ZNF548: variants seen among roughly 807,000 people sequenced by gnomAD.
The protein encoded by ZNF548 is zinc finger protein 548.
ZNF548 carries 10 observed loss-of-function variants against 10.2 expected under a neutral mutation model. The observed-to-expected ratio is 0.98, with a 90% CI of 0.60 to 1.66. ZNF548 has a LOEUF of 1.66. ZNF548 is among the 40% of genes most tolerant of loss of function. The pLI, the probability that ZNF548 is intolerant of heterozygous loss-of-function variation, is 0.00. For synonymous variants in ZNF548, 217 were observed against 223.5 expected (o/e 0.97, Z 0.26); for missense variants, 599 against 657.0 (o/e 0.91, Z 0.97).
chr19:57,399,577 T>C lies in ZNF548; in HGVS notation c.1326T>C (p.Phe442=), dbSNP rs771801686. Residue 442 remains phenylalanine, a synonymous_variant, in exon 4 of 4, where the codon TTT becomes TTC. Transcript: ENST00000336128. This position sits in a 1 kb window ranked among gnomAD's most constrained non-coding sequence, Gnocchi z 4.0. ...PYECSECGKF[F]RYNSNLIKHW... is the part of the protein sequence containing the mutation. ...AGTGCAGCGAATGCGGGAAATTCTT[T>C]CGTTACAACTCCAACCTCATTAAAC... is the stretch of plus-strand genomic sequence containing the variant. 6.2e-7 allele frequency: 1 copy of C among 1,614,192 alleles called. No individual in the cohort carries two copies.
rs1337384737 is a variant in ZNF548, at chr19:57,399,160, G to A, written c.909G>A (p.Arg303=). 1 of 1,613,698 alleles carries A rather than the reference G, an allele frequency of 6.2e-7. No individual in the cohort carries two copies. The highest frequency in any genetic ancestry group is 8.5e-7 in the Non-Finnish European group (1 of 1,179,950). Residue 303 remains arginine, a synonymous_variant, in exon 4 of 4, where the codon CGG becomes CGA. Coordinates refer to ENST00000336128, the MANE Select transcript of ZNF548 (RefSeq NM_001172773.2). This position sits in a 1 kb window ranked among gnomAD's most constrained non-coding sequence, Gnocchi z 4.0. ...GCAACACATGTGGGAAATTCTTTCG[G>A]TACAGCTCCACATTTGTTAGACATC... ...YECNTCGKFF[R]YSSTFVRHQR...
rs970860322 is a variant in ZNF548, at chr19:57,389,883, C to T, written c.-217C>T. The stretch of plus-strand genomic sequence containing the variant: ...CTTCCGCCGTCCTCCTGGTGGTGGT[C>T]GTTTTGGTTCTGTGTGGTGTTTCAC... On this transcript the variant is annotated 5_prime_UTR_variant, in exon 1 of 4. Transcript: ENST00000336128. 5 of 496,182 alleles carry T rather than the reference C, an allele frequency of 1.0e-5. No individual in the cohort carries two copies. The East Asian group carries it at 1.3e-4, about 13-fold the overall frequency. 30.7% of individuals were successfully genotyped at this position (496,182 alleles called of 1,614,324 possible).
In ZNF548 at chr19:57,398,759, G is replaced by A. The variant is rs779744413; in HGVS notation, c.508G>A (p.Gly170Ser). ...MAEEIFTCME[G>S]WKDLPATSCL... Reference sequence around the variant, plus strand: ...AGAGGAGATCTTCACATGCATGGAGGGCTGGAAGGACTTACCAGCCACCTC... The same window carrying A: ...AGAGGAGATCTTCACATGCATGGAGAGCTGGAAGGACTTACCAGCCACCTC... The change falls in exon 4 of 4, where the codon GGC becomes AGC. Residue 170 changes from glycine to serine, a missense_variant. Physicochemically the swap from Gly to Ser is moderately conservative, Grantham distance 56. Transcript: ENST00000336128. The A allele has an allele frequency of 8.1e-6, 13 of 1,613,852 alleles. No individual in the cohort carries two copies. The highest frequency in any genetic ancestry group is 1.0e-5 in the Non-Finnish European group (12 of 1,179,916).
Position 57,398,562 on chromosome 19 carries a change from C to T in ZNF548, c.311C>T (p.Pro104Leu). 1 of 1,614,054 alleles carries T rather than the reference C, an allele frequency of 6.2e-7. No homozygotes were observed. Among genetic ancestry groups the T allele is most frequent in the South Asian group, 1.1e-5 (1 of 91,080 alleles). Residue 104 changes from proline (P) to leucine (L), a missense_variant, in exon 4 of 4, where the codon CCC (proline) becomes CTC (leucine). Coordinates refer to ENST00000336128, the MANE Select transcript of ZNF548 (RefSeq NM_001172773.2). ...KVHPSETCGP[P>L]LKDILCLVEH... The stretch of plus-strand genomic sequence containing the variant: ...CACCCTAGTGAGACATGTGGCCCAC[C>T]CTTGAAAGACATTCTGTGCCTGGTT...
At position 57,399,448 on chromosome 19, in the gene ZNF548, C is replaced by T. The variant is rs748870327; in HGVS notation, c.1197C>T (p.His399=). Residue 399 remains histidine, a synonymous_variant, in exon 4 of 4, where the codon CAC becomes CAT. Transcript: ENST00000336128. The surrounding 1 kb of genome is among the most constrained non-coding windows in gnomAD (Gnocchi z 4.0). ...NSSLVKHWRN[H]TGERPYKCSE... ...GCCTTGTTAAACATTGGAGAAATCACACTGGAGAAAGGCCTTATAAATGCA... is the reference window on the plus strand; with the variant it reads ...GCCTTGTTAAACATTGGAGAAATCATACTGGAGAAAGGCCTTATAAATGCA... 15 of 1,614,124 alleles carry T rather than the reference C, an allele frequency of 9.3e-6. 1 individual carries two copies. The South Asian group carries it at 1.6e-4, about 18-fold the overall frequency.
chr19:57,401,137 A>G lies in ZNF548; in HGVS notation c.*1248A>G, dbSNP rs1475491642. The G allele has an allele frequency of 1.3e-5, 2 of 152,084 alleles. No homozygotes were observed. Among genetic ancestry groups the G allele is most frequent in the Non-Finnish European group, 1.5e-5 (1 of 68,004 alleles). The allele number at this position is 152,084 out of a possible 1,614,324, so 9.4% of individuals were successfully genotyped here. A position where few individuals can be genotyped will look rare whatever the true frequency, so the allele number is the denominator to read the frequency against. On this transcript the variant is annotated 3_prime_UTR_variant, in exon 4 of 4. Transcript: ENST00000336128. ...ACCAAATATATGCTTTTTACATATT[A>G]CCTCCCAGTCCATAGGTTGCTTTTT...
chr19:57,394,366 C>A, intron 2 of ZNF548, 143 bp downstream of exon 2: 2 of 857,224 alleles, frequency 2.3e-6, no homozygotes, highest in South Asian at 1.7e-5. Flanking sequence ...TACAAGTTGG[C>A]TGCTGGGTTA....
At chr19:57,394,714 A>AAT (rs2123040610) in intron 2 of ZNF548, among the ~76,000 whole-genome samples, 1 of 152,206 alleles carries the variant, frequency 6.6e-6, no homozygotes, top group East Asian at 1.9e-4. Flanking sequence ...AGGTGAGGGT[A>AAT]ATGGAAGGGA....
rs574266164 is a variant in ZNF548, at chr19:57,400,428, A to T, written c.*539A>T. ...TGGTGCTGGATCATATAGGATTTCT[A>T]TTTTTTTTTTTTGTTTGTTTTTGAG... On this transcript the variant is annotated 3_prime_UTR_variant, in exon 4 of 4. Transcript: ENST00000336128. The T allele has an allele frequency of 8.4e-3, 1,233 of 145,972 alleles. 5 individuals carry two copies. The highest frequency in any genetic ancestry group is 0.013 in the Non-Finnish European group (876 of 66,076). 9.0% of individuals were successfully genotyped at this position (145,972 alleles called of 1,614,324 possible).
chr19:57,399,559 C>T lies in ZNF548; in HGVS notation c.1308C>T (p.Ser436=), dbSNP rs1010483790. Residue 436 remains serine, a synonymous_variant, in exon 4 of 4, where the codon AGC becomes AGT. Coordinates refer to ENST00000336128, the MANE Select transcript of ZNF548 (RefSeq NM_001172773.2). This position sits in a 1 kb window ranked among gnomAD's most constrained non-coding sequence, Gnocchi z 4.0. ...VHTGERPYEC[S]ECGKFFRYNS... ...CGGGAGAAAGGCCTTATGAGTGCAG[C>T]GAATGCGGGAAATTCTTTCGTTACA... 7 of 1,612,828 alleles carry T rather than the reference C, an allele frequency of 4.3e-6. No individual in the cohort carries two copies. The highest frequency in any genetic ancestry group is 2.2e-5 in the East Asian group (1 of 44,814).
rs2088712522 is a variant in ZNF548 at position 57,401,046 on chromosome 19, T to G, written c.*1157T>G. 1 of 152,222 alleles carries G rather than the reference T, an allele frequency of 6.6e-6. No homozygotes were observed. The highest frequency in any genetic ancestry group is 1.5e-5 in the Non-Finnish European group (1 of 68,042). 9.4% of individuals were successfully genotyped at this position (152,222 alleles called of 1,614,324 possible). On this transcript the variant is annotated 3_prime_UTR_variant, in exon 4 of 4. Transcript: ENST00000336128. ...TATTCAAGTCTTTTTTTTCCATTTT[T>G]AATGGGACTATTTGCTTTTTGTTGT...
chr19:57,396,346 A>G (rs2088664415), intron 2 of ZNF548, among the ~76,000 whole-genome samples: 1 of 152,116 alleles, frequency 6.6e-6, no homozygotes, highest in Admixed American at 6.6e-5. Context: ...TTCCTTTTCT[A>G]CCTTATCTTC....
intron 2 of ZNF548, 50 bp downstream of exon 2, chr19:57,394,273 G>A: frequency 6.4e-7 from 1 of 1,566,146 alleles, no homozygotes; most frequent in East Asian, 2.3e-5. Flanking sequence ...TCTCCCAGAT[G>A]GTTTTGGCAG....
intron 3 of ZNF548, 73 bp from the exon 4 acceptor site, chr19:57,398,357 C>T (rs2088682153): frequency 1.3e-6 from 2 of 1,571,304 alleles, no homozygotes; most frequent in African/African-American, 1.4e-5. Flanking sequence ...GTGTGCCTGA[C>T]ACACATTTGT....
chr19:57,391,789 G>GTT (rs71186258), intron 1 of ZNF548, among the ~76,000 whole-genome samples: 3,109 of 93,550 alleles, frequency 0.033, 194 homozygotes, highest in African/African-American at 0.053. Context: ...TGTGCTTACT[G>GTT]TTTTTTTTTT....
In ZNF548 at chr19:57,399,574, C is replaced by A. The variant is rs1293911348; in HGVS notation, c.1323C>A (p.Phe441Leu). The A allele has an allele frequency of 6.2e-7, 1 of 1,613,564 alleles. No homozygotes were observed. The highest frequency in any genetic ancestry group is 8.5e-7 in the Non-Finnish European group (1 of 1,179,904). ...ATGAGTGCAGCGAATGCGGGAAATT[C>A]TTTCGTTACAACTCCAACCTCATTA... ...RPYECSECGKFFRYNSNLIKH... is the reference protein window; with the variant it reads ...RPYECSECGKLFRYNSNLIKH... Residue 441 changes from phenylalanine (F) to leucine (L), a missense_variant, in exon 4 of 4, where the codon TTC (phenylalanine) becomes TTA (leucine). Coordinates refer to ENST00000336128, the MANE Select transcript of ZNF548 (RefSeq NM_001172773.2). The surrounding 1 kb of genome is among the most constrained non-coding windows in gnomAD (Gnocchi z 4.0).
rs1456434695 is a variant in ZNF548 at position 57,399,378 on chromosome 19, C to T, written c.1127C>T (p.Pro376Leu). The change falls in exon 4 of 4, where the codon CCT (proline) becomes CTT (leucine). Residue 376 changes from proline (P) to leucine (L), a missense_variant. Pro to Leu is a moderately conservative substitution (Grantham distance 98, BLOSUM62 -3). Coordinates refer to ENST00000336128, the MANE Select transcript of ZNF548 (RefSeq NM_001172773.2). This position sits in a 1 kb window ranked among gnomAD's most constrained non-coding sequence, Gnocchi z 4.0. The part of the protein sequence containing the change: ...RHQRIHTGER[P>L]YECSVCGELF... Reference sequence around the variant, plus strand: ...CAGAGAATTCACACTGGAGAAAGGCCTTATGAGTGCAGTGTATGTGGGGAA... The same window carrying T: ...CAGAGAATTCACACTGGAGAAAGGCTTTATGAGTGCAGTGTATGTGGGGAA... 6.2e-7 allele frequency: 1 copy of T among 1,614,158 alleles called. No homozygotes were observed. Among genetic ancestry groups the T allele is most frequent in the African/African-American group, 1.3e-5 (1 of 75,038 alleles).
At chr19:57,398,368 G>A (rs1449095794) in intron 3 of ZNF548, 62 bp from the exon 4 acceptor site, 1 of 1,579,838 alleles carries the variant, frequency 6.3e-7, no homozygotes, top group South Asian at 1.2e-5. Context: ...ACACATTTGT[G>A]ATGGAGCTGC....
rs1157991423 is a variant in ZNF548 at position 57,398,799 on chromosome 19, A to G, written c.548A>G (p.His183Arg). The change falls in exon 4 of 4, where the codon CAC (histidine) becomes CGC (arginine). Residue 183 changes from histidine (H) to arginine (R), a missense_variant. Physicochemically the swap from His to Arg is conservative, Grantham distance 29 (BLOSUM62 0). Coordinates refer to ENST00000336128, the MANE Select transcript of ZNF548 (RefSeq NM_001172773.2). ...CCAGCCACCTCATGCCTTCTCCAGC[A>G]CCAGGGCCCTCAAAGCGAGTGGAAG... ...DLPATSCLLQHQGPQSEWKPY... is the reference protein window; with the variant it reads ...DLPATSCLLQRQGPQSEWKPY... 1.2e-6 allele frequency: 2 copies of G among 1,613,888 alleles called. No individual in the cohort carries two copies. Among genetic ancestry groups the G allele is most frequent in the Non-Finnish European group, 1.7e-6 (2 of 1,179,894 alleles).
Sources: gnomAD v4.1 joint callset for allele counts (sites outside exome capture counted in the v4.1 genomes callset) on GRCh38, gnomAD v4.1.1 for gene constraint, Gnocchi (gnomAD v3.1) non-coding constraint, MANE v1.5 for transcripts, NCBI Gene and HGNC (gene_info 2026-07-23, HGNC 2026-07-21) for gene names.